LRRN2: variants seen among roughly 807,000 people sequenced by gnomAD.
LRRN2 encodes the protein leucine rich repeat neuronal 2, also known as leucine-rich repeat neuronal protein 2.
In LRRN2, 10 loss-of-function variants were observed where a neutral mutation model predicts 35.7. The observed-to-expected ratio is 0.28, with a 90% CI of 0.17 to 0.47. The LOEUF is 0.47. Among genes scored for constraint, LRRN2 ranks in the 20% least tolerant of loss-of-function variants. The pLI is 0.99. For missense variants in LRRN2, 731 were observed against 940.3 expected (o/e 0.78, Z 2.91); for synonymous variants, 391 against 409.6 (o/e 0.95, Z 0.55).
At chr1:204,655,706 C>A (rs1668334595) in intron 1 of LRRN2, among the ~76,000 whole-genome samples, 1 of 151,896 alleles carries the variant, frequency 6.6e-6, no homozygotes, top group Non-Finnish European at 1.5e-5. Context: ...GGAATAGATA[C>A]AAGATGAACA....
At chr1:204,670,005 C>CTT (rs149658232) in intron 1 of LRRN2, among the ~76,000 whole-genome samples, 35,560 of 78,940 alleles carry the variant, frequency 0.45, 4,343 homozygotes, top group East Asian at 0.61. Context: ...CATTTCCACT[C>CTT]GTTTTTTTTT....
At chr1:204,655,978 C>T (rs977803321) in intron 1 of LRRN2, among the ~76,000 whole-genome samples, 7 of 152,150 alleles carry the variant, frequency 4.6e-5, no homozygotes, top group Non-Finnish European at 7.4e-5. Context: ...GGCGCGATCT[C>T]GGCTCACTGC....
chr1:204,646,444 C>T (rs1668109594), intron 1 of LRRN2, among the ~76,000 whole-genome samples: 1 of 152,116 alleles, frequency 6.6e-6, no homozygotes, highest in South Asian at 2.1e-4. Flanking sequence ...TACTACAACC[C>T]AGGAGCAGTG....
At chr1:204,684,407 G>T (rs1669020204) in intron 1 of LRRN2, among the ~76,000 whole-genome samples, 1 of 152,166 alleles carries the variant, frequency 6.6e-6, no homozygotes, top group South Asian at 2.1e-4. Context: ...CTTCCTGTTC[G>T]TTTGGGTGGG....
Position 204,682,427 on chromosome 1 carries a change from A to T in LRRN2, c.-227+2893T>A, listed in dbSNP as rs985443083. 2.0e-5 allele frequency among the ~76,000 whole-genome samples: 3 copies of T among 152,224 alleles called. No homozygotes were observed. In the East Asian group the frequency reaches 5.8e-4, roughly 29 times the overall value. On this transcript the variant is annotated intron_variant, in intron 1 of 1. Coordinates refer to ENST00000367177, the MANE Select transcript of LRRN2 (RefSeq NM_201630.2). ...GTTAGGTTAGAATGTAAGCCTTAGT[A>T]TAAGTGTACAAGTTACCAGATGTCA...
intron 1 of LRRN2, among the ~76,000 whole-genome samples, chr1:204,635,872 T>C (rs914717512): frequency 2.0e-5 from 3 of 152,188 alleles, no homozygotes; most frequent in African/African-American, 7.2e-5. Flanking sequence ...CAACCAACAT[T>C]CTTCCAGGAC....
At chr1:204,627,199 A>T (rs61817486) in intron 1 of LRRN2, 3 of 152,184 alleles carry the variant, frequency 2.0e-5, no homozygotes, top group Non-Finnish European at 4.4e-5. Context: ...TCAGATGAGA[A>T]ACGTAAGCTC....
At chr1:204,638,402 CTTT>C (rs971289134) in intron 1 of LRRN2, among the ~76,000 whole-genome samples, 8 of 71,674 alleles carry the variant, frequency 1.1e-4, no homozygotes, top group Admixed American at 5.9e-4. Context: ...CAAGGTCTTC[CTTT>C]TTTTTTTTTT....
Position 204,617,639 on chromosome 1 carries a change from C to T in LRRN2, c.*212G>A. 1 of 584,566 alleles carries T rather than the reference C, an allele frequency of 1.7e-6. No individual in the cohort carries two copies. The highest frequency in any genetic ancestry group is 3.0e-6 in the Non-Finnish European group (1 of 328,938). 36.2% of individuals were successfully genotyped at this position (584,566 alleles called of 1,614,324 possible). ...TCCTTGGAGATGTTCCTCAGAATGG[C>T]AGCAGAGGTGACCCTAGGAGGTAAG... On this transcript the variant is annotated 3_prime_UTR_variant, in exon 2 of 2. Coordinates refer to ENST00000367177, the MANE Select transcript of LRRN2 (RefSeq NM_201630.2).
chr1:204,649,025 C>T (rs184247505), intron 1 of LRRN2, among the ~76,000 whole-genome samples: 1 of 152,342 alleles, frequency 6.6e-6, no homozygotes, highest in East Asian at 1.9e-4. Flanking sequence ...AAGCCCAGAC[C>T]CTGGCTTCAG....
At chr1:204,625,881 G>A (rs545453088) in intron 1 of LRRN2, among the ~76,000 whole-genome samples, 7 of 152,330 alleles carry the variant, frequency 4.6e-5, no homozygotes, top group African/African-American at 9.6e-5. Context: ...TAGAGTTCCC[G>A]TATCTAAAAA....
At chr1:204,655,183 G>A (rs775879252) in intron 1 of LRRN2, among the ~76,000 whole-genome samples, 10 of 152,272 alleles carry the variant, frequency 6.6e-5, no homozygotes, top group Non-Finnish European at 1.0e-4. Context: ...TGGAAATGAG[G>A]TAAGTTCTCC....
At chr1:204,662,972 C>CT in intron 1 of LRRN2, among the ~76,000 whole-genome samples, 1 of 152,288 alleles carries the variant, frequency 6.6e-6, no homozygotes, top group Admixed American at 6.5e-5. Flanking sequence ...GCCCAGAAAG[C>CT]TTTGGTGAGC....
At chr1:204,670,009 T>G (rs1240143476) in intron 1 of LRRN2, among the ~76,000 whole-genome samples, 24 of 151,196 alleles carry the variant, frequency 1.6e-4, no homozygotes, top group Non-Finnish European at 2.7e-4. Flanking sequence ...TCCACTCGTT[T>G]TTTTTTTTGT....
At chr1:204,642,937 G>A (rs1216660424) in intron 1 of LRRN2, among the ~76,000 whole-genome samples, 1 of 152,146 alleles carries the variant, frequency 6.6e-6, no homozygotes, top group Admixed American at 6.5e-5. Flanking sequence ...GCATCCTGAG[G>A]GGCTCAGAGC....
chr1:204,665,236 T>G (rs1244089053), intron 1 of LRRN2, among the ~76,000 whole-genome samples: 1 of 151,992 alleles, frequency 6.6e-6, no homozygotes, highest in East Asian at 1.9e-4. Flanking sequence ...GATCATGCAT[T>G]CCCGGGGGTC....
chr1:204,638,559 T>A (rs780577204), intron 1 of LRRN2, among the ~76,000 whole-genome samples: 1 of 152,000 alleles, frequency 6.6e-6, no homozygotes, highest in Non-Finnish European at 1.5e-5. Flanking sequence ...TACAGGCATG[T>A]GCCACCACAC....
intron 1 of LRRN2, among the ~76,000 whole-genome samples, chr1:204,684,459 C>T (rs889620036): frequency 8.5e-5 from 13 of 152,320 alleles, no homozygotes; most frequent in African/African-American, 2.9e-4. Context: ...CGGGGCCCCT[C>T]CCCAGGTTCC....
In LRRN2 at chr1:204,619,752, T is replaced by C. The variant is rs367859771; in HGVS notation, c.241A>G (p.Ile81Val). The C allele has an allele frequency of 1.1e-4, 176 of 1,614,098 alleles. No homozygotes were observed. The highest frequency in any genetic ancestry group is 1.4e-4 in the Non-Finnish European group (171 of 1,180,026). Residue 81 changes from isoleucine (I) to valine (V), a missense_variant, in exon 2 of 2, where the codon ATT becomes GTT. Coordinates refer to ENST00000367177, the MANE Select transcript of LRRN2 (RefSeq NM_201630.2). Reference protein sequence around the residue: ...TQTLLLQSNSIVRVDQSELGY... With the variant: ...TQTLLLQSNSVVRVDQSELGY... Reference sequence around the variant, plus strand: ...AGCTCACTCTGGTCCACACGGACAATGCTGTTGCTCTGCAGGAGCAGGGTC... The same window carrying C: ...AGCTCACTCTGGTCCACACGGACAACGCTGTTGCTCTGCAGGAGCAGGGTC...
Sources: allele counts gnomAD v4.1 joint callset (sites outside exome capture counted in the v4.1 genomes callset), GRCh38; gene constraint gnomAD v4.1.1; transcripts MANE v1.5; gene names NCBI Gene and HGNC (gene_info 2026-07-23, HGNC 2026-07-21).